The following EFHB variants were observed in gnomAD, a reference collection of about 807,000 sequenced individuals.
The protein encoded by EFHB is EF-hand domain family member B.
In EFHB, 91 loss-of-function variants were observed where a neutral mutation model predicts 87.2. The observed-to-expected ratio is 1.04, with a 90% CI of 0.88 to 1.24. The LOEUF (loss-of-function observed/expected upper bound fraction) is 1.24. EFHB is among the 50% of genes most tolerant of loss of function. The probability of loss-of-function intolerance (pLI) is 0.00; values close to 1 mark genes in which losing one functional copy is unlikely to be tolerated. For missense variants in EFHB, 1,084 were observed against 998.8 expected (o/e 1.09, Z -1.15); for synonymous variants, 325 against 333.6 (o/e 0.97, Z 0.28).
At chr3:19,883,768 G>A (rs903413692) in intron 11 of EFHB, among the ~76,000 whole-genome samples, 5 of 152,298 alleles carry the variant, frequency 3.3e-5, no homozygotes, top group African/African-American at 4.8e-5. Context: ...AGAACACCAC[G>A]TGAAGATGAA....
chr3:19,915,342 G>T lies in EFHB; in HGVS notation c.1249C>A (p.His417Asn). 1 of 1,613,058 alleles carries T rather than the reference G, an allele frequency of 6.2e-7. No individual in the cohort carries two copies. Among genetic ancestry groups the T allele is most frequent in the Non-Finnish European group, 8.5e-7 (1 of 1,179,396 alleles). Reference sequence around the variant, plus strand: ...TTGTGAGAAACAACATACAAATCATGTCCTTCATTTCCTTCTTTAAATACT... The same window carrying T: ...TTGTGAGAAACAACATACAAATCATTTCCTTCATTTCCTTCTTTAAATACT... ...EEVFKEGNEG[H>N]DLYVVSHNDY... Residue 417 changes from histidine to asparagine, a missense_variant, in exon 5 of 13, where the codon CAT becomes AAT. Physicochemically the swap from His to Asn is moderately conservative, Grantham distance 68. Coordinates refer to ENST00000295824, the MANE Select transcript of EFHB (RefSeq NM_144715.4).
chr3:19,916,525 T>A (rs1695239159), intron 4 of EFHB, among the ~76,000 whole-genome samples: 1 of 151,332 alleles, frequency 6.6e-6, no homozygotes, highest in African/African-American at 2.4e-5. Context: ...AAAAAAAAAA[T>A]TAATTCATTA....
Position 19,934,014 on chromosome 3 carries a change from T to A in EFHB, c.5A>T (p.Asn2Ile). ...TTCGTGGGGATGTCCAATCTCCATG[T>A]TCATGGACGATTTCTCCCCATTCTC... MNMEIGHPHEGK... is the reference protein window; with the variant it reads MIMEIGHPHEGK... Residue 2 changes from asparagine (N) to isoleucine (I), a missense_variant, in exon 1 of 13, where the codon AAC becomes ATC. Coordinates refer to ENST00000295824, the MANE Select transcript of EFHB (RefSeq NM_144715.4). 6.3e-7 allele frequency: 1 copy of A among 1,596,686 alleles called. No homozygotes were observed. Among genetic ancestry groups the A allele is most frequent in the Non-Finnish European group, 8.5e-7 (1 of 1,170,936 alleles).
In EFHB at chr3:19,929,708, C is replaced by CAAAA. The variant is rs34016968; in HGVS notation, c.789+3518_789+3521dup. Among the ~76,000 whole-genome samples the CAAAA allele has an allele frequency of 7.9e-4, 63 of 79,346 alleles. 1 individual carries two copies. Among genetic ancestry groups the CAAAA allele is most frequent in the Middle Eastern group, 8.2e-3 (1 of 122 alleles). The allele number at this position is 79,346 out of a possible 152,430, so 52.1% of individuals were successfully genotyped here. A position where few individuals can be genotyped will look rare whatever the true frequency, so the allele number is the denominator to read the frequency against. On this transcript the variant is annotated intron_variant, in intron 1 of 12. Coordinates refer to ENST00000295824, the MANE Select transcript of EFHB (RefSeq NM_144715.4). ...TGGGCGAGAGCGTGAGACTCCATCT[C>CAAAA]AAAAAAAAAAAAAAAAAAAAAGAAT... is the stretch of plus-strand genomic sequence containing the variant.
chr3:19,880,231 T>TTTATTTAC (rs1305141920), intron 12 of EFHB, among the ~76,000 whole-genome samples: 3 of 105,352 alleles, frequency 2.8e-5, no homozygotes, highest in Non-Finnish European at 5.7e-5. Flanking sequence ...ATTAGTTTCA[T>TTTATTTAC]TTATTTATTT....
At chr3:19,905,554 A>G in intron 6 of EFHB, 66 bp downstream of exon 6, 1 of 1,527,730 alleles carries the variant, frequency 6.5e-7, no homozygotes. Context: ...TAAAGTTTAA[A>G]AATCAACTTT....
At chr3:19,899,790 T>G (rs1694609487) in intron 6 of EFHB, among the ~76,000 whole-genome samples, 1 of 152,186 alleles carries the variant, frequency 6.6e-6, no homozygotes, top group Non-Finnish European at 1.5e-5. Flanking sequence ...GTGTAGCTCC[T>G]GGCCGGGCAC....
chr3:19,905,567 T>C, intron 6 of EFHB, 53 bp downstream of exon 6: 1 of 1,556,904 alleles, frequency 6.4e-7, no homozygotes, highest in Non-Finnish European at 8.7e-7. Flanking sequence ...TCAACTTTTC[T>C]TTAAGTCCAA....
At chr3:19,887,854 T>A (rs9810314) in intron 10 of EFHB, among the ~76,000 whole-genome samples, 4,362 of 152,296 alleles carry the variant, frequency 0.029, 209 homozygotes, top group African/African-American at 0.099. Context: ...AATTGTGTGT[T>A]TCCTGGGAAA....
At chr3:19,932,973 A>C (rs1221480137) in intron 1 of EFHB, among the ~76,000 whole-genome samples, 1 of 152,236 alleles carries the variant, frequency 6.6e-6, no homozygotes, top group Admixed American at 6.5e-5. Flanking sequence ...AATGAAATGA[A>C]GGTTAAAGGA....
intron 10 of EFHB, among the ~76,000 whole-genome samples, chr3:19,887,381 T>C (rs1443713250): frequency 2.2e-5 from 1 of 46,256 alleles, no homozygotes; most frequent in African/African-American, 1.3e-4. Context: ...CAAGACCCTA[T>C]CAAAAAAAAA....
chr3:19,920,554 A>G lies in EFHB; in HGVS notation c.803T>C (p.Ile268Thr). The G allele has an allele frequency of 1.3e-6, 2 of 1,598,192 alleles. No individual in the cohort carries two copies. Among genetic ancestry groups the G allele is most frequent in the Middle Eastern group, 1.7e-4 (1 of 6,020 alleles). The change falls in exon 2 of 13, where the codon ATT becomes ACT. Residue 268 changes from isoleucine (I) to threonine (T), a missense_variant. Transcript: ENST00000295824. ...TPCWPSAGKV[I>T]PVGYRVATCL... ...GGTTGCAACTCTGTAACCAACTGGA[A>G]TAACTTTTCCTGCCTTTGGGGGAAA...
chr3:19,918,491 G>A, intron 3 of EFHB, 79 bp from the exon 4 acceptor site: 2 of 1,305,126 alleles, frequency 1.5e-6, no homozygotes, highest in East Asian at 2.5e-5. Flanking sequence ...TCAATAGCTG[G>A]GGAGAGGAGA....
At chr3:19,925,307 A>G (rs568843513) in intron 1 of EFHB, among the ~76,000 whole-genome samples, 1 of 152,088 alleles carries the variant, frequency 6.6e-6, no homozygotes, top group South Asian at 2.1e-4. Flanking sequence ...GCACACTTGC[A>G]TGTATATTGA....
chr3:19,899,599 A>G (rs1559453689), intron 6 of EFHB, 84 bp from the exon 7 acceptor site: 3 of 916,930 alleles, frequency 3.3e-6, no homozygotes, highest in Non-Finnish European at 4.7e-6. Flanking sequence ...AGAATACCAT[A>G]GTATCATTAG....
intron 6 of EFHB, among the ~76,000 whole-genome samples, chr3:19,905,363 C>G (rs1229222088): frequency 6.6e-6 from 1 of 151,714 alleles, no homozygotes; most frequent in African/African-American, 2.4e-5. Context: ...TTAAAACATG[C>G]ATATATGTCT....
intron 1 of EFHB, among the ~76,000 whole-genome samples, chr3:19,927,020 A>G (rs1475095958): frequency 1.3e-5 from 2 of 152,226 alleles, no homozygotes; most frequent in African/African-American, 4.8e-5. Context: ...AAGTGATACC[A>G]TCAGAGTTCA....
At position 19,915,373 on chromosome 3, in the gene EFHB, A is replaced by G. The variant is rs1324224145; in HGVS notation, c.1218T>C (p.Tyr406=). The G allele has an allele frequency of 2.9e-5, 46 of 1,613,154 alleles. No individual in the cohort carries two copies. The highest frequency in any genetic ancestry group is 3.9e-5 in the Non-Finnish European group (46 of 1,179,450). The part of the protein sequence containing the change: ...AKDVVNPPKS[Y]EEVFKEGNEG... ...CATTTCCTTCTTTAAATACTTCTTC[A>G]TAGGATTTTGGTGGATTCACCACAT... is the stretch of plus-strand genomic sequence containing the variant. Residue 406 remains tyrosine (Y), a synonymous_variant, in exon 5 of 13, where the codon TAT becomes TAC. Transcript: ENST00000295824.
Position 19,888,534 on chromosome 3 carries a change from C to A in EFHB, c.1843G>T (p.Gly615Cys). Residue 615 changes from glycine (G) to cysteine (C), a missense_variant, in exon 10 of 13, where the codon GGC (glycine) becomes TGC (cysteine). Coordinates refer to ENST00000295824, the MANE Select transcript of EFHB (RefSeq NM_144715.4). The part of the protein sequence containing the change: ...LFDYCDVDND[G>C]FINYLEFANF... Reference sequence around the variant, plus strand: ...GCGAATTCCAGATAGTTAATGAAGCCATCATTATCCACATCACAGTAGTCA... The same window carrying A: ...GCGAATTCCAGATAGTTAATGAAGCAATCATTATCCACATCACAGTAGTCA... The A allele has an allele frequency of 6.3e-7, 1 of 1,588,336 alleles. No individual in the cohort carries two copies.
Sources: gnomAD v4.1 joint callset for allele counts (sites outside exome capture counted in the v4.1 genomes callset) on GRCh38, gnomAD v4.1.1 for gene constraint, MANE v1.5 for transcripts, NCBI Gene and HGNC (gene_info 2026-07-23, HGNC 2026-07-21) for gene names.